The following MECOM variants were observed in gnomAD, a reference collection of about 807,000 sequenced individuals.
The protein encoded by MECOM is histone-lysine N-methyltransferase MECOM.
Under a neutral mutation model 116.3 loss-of-function variants are expected in MECOM, and 13 were observed. The ratio of observed to expected loss-of-function variants is 0.11; its 90% CI spans 0.07 to 0.18. MECOM has a LOEUF of 0.18. Among genes scored for constraint, MECOM ranks in the 10% least tolerant of loss-of-function variants. The pLI, the probability that MECOM is intolerant of heterozygous loss-of-function variation, is 1.00. For synonymous variants in MECOM, 528 were observed against 535.2 expected (o/e 0.99, Z 0.19); for missense variants, 1,299 against 1,509.0 (o/e 0.86, Z 2.31).
intron 1 of MECOM, among the ~76,000 whole-genome samples, chr3:169,472,550 AAAGAAAAGAGAGGAGAGGAG>A (rs1560318170): frequency 1.1e-3 from 99 of 90,530 alleles, no homozygotes; most frequent in Non-Finnish European, 1.4e-3. Context: ...AAGGAAAGGA[AAAGAAAAGAGAGGAGAGGAG>A]AGGAGAGGAG....
At chr3:169,247,702 A>T (rs1755768202) in intron 2 of MECOM, among the ~76,000 whole-genome samples, 1 of 152,266 alleles carries the variant, frequency 6.6e-6, no homozygotes, top group Non-Finnish European at 1.5e-5. Context: ...ATAGCAATTT[A>T]GACAATAACT....
At position 169,093,018 on chromosome 3, in the gene MECOM, A is replaced by G. The variant is rs1720274805; in HGVS notation, c.3104T>C (p.Ile1035Thr). Residue 1035 changes from isoleucine to threonine, a missense_variant, in exon 14 of 17, where the codon ATT becomes ACT. Physicochemically the swap from Ile to Thr is moderately conservative, Grantham distance 89. Coordinates refer to ENST00000651503, the MANE Select transcript of MECOM (RefSeq NM_004991.4). ...DDKEDAYFTE[I>T]RNFIGNSNHG... ...GTTGCTGTTCCCAATGAAATTTCGA[A>G]TTTCTGTGAAGTAAGCATCTTCTTT... 26 of 1,613,610 alleles carry G rather than the reference A, an allele frequency of 1.6e-5. No individual in the cohort carries two copies. The highest frequency in any genetic ancestry group is 2.2e-5 in the Non-Finnish European group (26 of 1,179,802).
At chr3:169,326,786 T>C (rs1721895258) in intron 2 of MECOM, among the ~76,000 whole-genome samples, 1 of 152,358 alleles carries the variant, frequency 6.6e-6, no homozygotes, top group East Asian at 1.9e-4. Flanking sequence ...TGTAACAAAA[T>C]TCTCTCTTTT....
chr3:169,407,427 T>C (rs1206314388), intron 1 of MECOM, among the ~76,000 whole-genome samples: 2 of 152,094 alleles, frequency 1.3e-5, no homozygotes, highest in African/African-American at 2.4e-5. Flanking sequence ...CCAGTCATCA[T>C]TGATTATCTT....
chr3:169,195,260 G>C (rs1330392421), intron 2 of MECOM, among the ~76,000 whole-genome samples: 1 of 152,032 alleles, frequency 6.6e-6, no homozygotes, highest in African/African-American at 2.4e-5. Context: ...CTGCTGTCCA[G>C]GTGGATCAAT....
chr3:169,438,677 A>G (rs572094188), intron 1 of MECOM, among the ~76,000 whole-genome samples: 3 of 146,642 alleles, frequency 2.0e-5, no homozygotes, highest in African/African-American at 7.3e-5. Context: ...GTGAAGGGAT[A>G]TGGATGGGGT....
At chr3:169,108,627 T>C (rs1197816246) in intron 9 of MECOM, among the ~76,000 whole-genome samples, 1 of 152,204 alleles carries the variant, frequency 6.6e-6, no homozygotes, top group Non-Finnish European at 1.5e-5. Flanking sequence ...TTAAAGGAGA[T>C]ATATATTTTG....
At chr3:169,242,697 A>G (rs1208818731) in intron 2 of MECOM, among the ~76,000 whole-genome samples, 2 of 152,120 alleles carry the variant, frequency 1.3e-5, no homozygotes, top group African/African-American at 4.8e-5. Flanking sequence ...GCTGCAGTGT[A>G]TGGGCCAGTC....
At chr3:169,228,174 T>C (rs1167538680) in intron 2 of MECOM, among the ~76,000 whole-genome samples, 5 of 152,202 alleles carry the variant, frequency 3.3e-5, no homozygotes, top group Non-Finnish European at 1.5e-5. Flanking sequence ...TACTGTAGTC[T>C]GTGCCGCAAA....
intron 1 of MECOM, among the ~76,000 whole-genome samples, chr3:169,454,058 G>A (rs530936881): frequency 6.6e-6 from 1 of 152,158 alleles, no homozygotes; most frequent in South Asian, 2.1e-4. Context: ...CACCCATTTC[G>A]ATTCTACAAA....
At chr3:169,480,240 T>C (rs1338823998) in intron 1 of MECOM, among the ~76,000 whole-genome samples, 1 of 152,226 alleles carries the variant, frequency 6.6e-6, no homozygotes, top group African/African-American at 2.4e-5. Context: ...TCACATATAC[T>C]GTCCCATGAA....
intron 1 of MECOM, among the ~76,000 whole-genome samples, chr3:169,641,328 GT>G (rs767778536): frequency 6.6e-6 from 1 of 152,156 alleles, no homozygotes; most frequent in African/African-American, 2.4e-5. Context: ...TATACTGACT[GT>G]TCTCTATTTG....
At chr3:169,265,673 A>G (rs1321772863) in intron 2 of MECOM, among the ~76,000 whole-genome samples, 3 of 152,228 alleles carry the variant, frequency 2.0e-5, no homozygotes, top group Non-Finnish European at 4.4e-5. Context: ...CGGGAGAATA[A>G]AACAATAAGT....
chr3:169,128,314 C>A (rs1006018365), intron 4 of MECOM, among the ~76,000 whole-genome samples: 3 of 152,110 alleles, frequency 2.0e-5, no homozygotes, highest in African/African-American at 7.2e-5. Flanking sequence ...CTTTTCAGGT[C>A]CAGAGAATAC....
Position 169,378,452 on chromosome 3 carries a change from GGAAAGC to G in MECOM, c.375+2729_375+2734del, listed in dbSNP as rs1731570625. Among the ~76,000 whole-genome samples, 3 of 64,554 alleles carry G rather than the reference GGAAAGC, an allele frequency of 4.6e-5. 1 individual carries two copies. Among genetic ancestry groups the G allele is most frequent in the African/African-American group, 2.1e-4 (3 of 14,344 alleles). 42.3% of individuals were successfully genotyped at this position (64,554 alleles called of 152,430 possible). Reference sequence around the variant, plus strand: ...AAGAAAGAAAGAAAGAAAGAAAGAAGGAAAGCAAGCAAGCAAGCAAGCAAGAAAGAG... The same window carrying G: ...AAGAAAGAAAGAAAGAAAGAAAGAAGAAGCAAGCAAGCAAGCAAGAAAGAG... On this transcript the variant is annotated intron_variant, in intron 2 of 16. Coordinates refer to ENST00000651503, the MANE Select transcript of MECOM (RefSeq NM_004991.4).
At position 169,138,348 on chromosome 3, in the gene MECOM, C is replaced by T. The variant is rs192482507; in HGVS notation, c.510+5350G>A. 2.6e-4 allele frequency among the ~76,000 whole-genome samples: 39 copies of T among 152,236 alleles called. 1 individual carries two copies. The highest frequency in any genetic ancestry group is 2.3e-3 in the Admixed American group (35 of 15,266). On this transcript the variant is annotated intron_variant, in intron 3 of 16. Transcript: ENST00000651503. ...AAATCCTAGCGTTATGTCAGTGTTG[C>T]ATCCTAGGTATTGTTACATGAAGGA...
At chr3:169,625,215 T>C (rs1253795548) in intron 1 of MECOM, among the ~76,000 whole-genome samples, 2 of 152,094 alleles carry the variant, frequency 1.3e-5, no homozygotes, top group Admixed American at 6.5e-5. Context: ...AGAACAATGA[T>C]TTGCTTAGAT....
intron 1 of MECOM, among the ~76,000 whole-genome samples, chr3:169,504,199 T>G (rs1754924226): frequency 9.9e-6 from 1 of 100,594 alleles, no homozygotes; most frequent in South Asian, 3.7e-4. Flanking sequence ...GTGTTTAAAT[T>G]AAATGGCTGC....
At chr3:169,413,952 A>G (rs112881212) in intron 1 of MECOM, among the ~76,000 whole-genome samples, 24,832 of 152,208 alleles carry the variant, frequency 0.16, 2,691 homozygotes, top group East Asian at 0.52. Flanking sequence ...GGGCGACTGT[A>G]AGTGCAGCTT....
Sources: allele counts gnomAD v4.1 joint callset (sites outside exome capture counted in the v4.1 genomes callset), GRCh38; gene constraint gnomAD v4.1.1; transcripts MANE v1.5; gene names NCBI Gene and HGNC (gene_info 2026-07-23, HGNC 2026-07-21).